The following SETD5 variants were observed in gnomAD, a reference collection of about 807,000 sequenced individuals.
SETD5 encodes SET domain containing 5.
A neutral mutation model predicts 153.3 loss-of-function variants in SETD5; 44 were observed. The observed-to-expected ratio is 0.29, with a 90% CI of 0.23 to 0.37. The LOEUF is 0.37. Among genes scored for constraint, SETD5 ranks in the 10% least tolerant of loss-of-function variants. SETD5 has a pLI of 1.00. For synonymous variants in SETD5, 716 were observed against 645.2 expected (o/e 1.11, Z -1.66); for missense variants, 1,544 against 1,768.0 (o/e 0.87, Z 2.27).
At chr3:9,413,598 C>G (rs988182259) in intron 1 of SETD5, among the ~76,000 whole-genome samples, 5 of 148,758 alleles carry the variant, frequency 3.4e-5, no homozygotes, top group African/African-American at 1.3e-4. Flanking sequence ...AGATGTTATC[C>G]CTTATGGGAG....
At chr3:9,454,448 G>C (rs1575512023) in intron 17 of SETD5, among the ~76,000 whole-genome samples, 1 of 151,872 alleles carries the variant, frequency 6.6e-6, no homozygotes, top group African/African-American at 2.4e-5. Flanking sequence ...GTGAAACCCT[G>C]TCTCTACCAA....
chr3:9,434,533 G>T lies in SETD5; in HGVS notation c.329+48G>T. On this transcript the variant is annotated intron_variant, in intron 5 of 22. Coordinates refer to ENST00000402198, the MANE Select transcript of SETD5 (RefSeq NM_001080517.3). This position sits in a 1 kb window ranked among gnomAD's most constrained non-coding sequence, Gnocchi z 5.6. Reference sequence around the variant, plus strand: ...TTTAAGTCTGGGTTGCTGGGATTAGGGTTTCTTACAAGTAGGGAAAAGCTC... The same window carrying T: ...TTTAAGTCTGGGTTGCTGGGATTAGTGTTTCTTACAAGTAGGGAAAAGCTC... 6.2e-7 allele frequency: 1 copy of T among 1,610,470 alleles called. No homozygotes were observed. The highest frequency in any genetic ancestry group is 1.1e-5 in the South Asian group (1 of 90,702).
Position 9,475,550 on chromosome 3 carries a change from G to A in SETD5, c.3788G>A (p.Arg1263Lys), listed in dbSNP as rs868788675. 1.2e-6 allele frequency: 2 copies of A among 1,613,716 alleles called. No individual in the cohort carries two copies. Among genetic ancestry groups the A allele is most frequent in the African/African-American group, 2.7e-5 (2 of 74,866 alleles). Residue 1263 changes from arginine (R) to lysine (K), a missense_variant, in exon 23 of 23, where the codon AGA (arginine) becomes AAA (lysine). Arg to Lys is a conservative substitution (Grantham distance 26). Around this residue, in one of 9 missense-constraint regions of SETD5, gnomAD observed 302 missense variants for 277.6 expected, o/e 1.09. Coordinates refer to ENST00000402198, the MANE Select transcript of SETD5 (RefSeq NM_001080517.3). The part of the protein sequence containing the change: ...SLLQQSSSPF[R>K]GHPTQSPGYS... ...CTTCAGCAGAGTTCCTCCCCCTTCAGAGGACATCCTACACAGTCTCCAGGA... is the reference window on the plus strand; with the variant it reads ...CTTCAGCAGAGTTCCTCCCCCTTCAAAGGACATCCTACACAGTCTCCAGGA...
chr3:9,443,935 G>A (rs927770689), intron 11 of SETD5, among the ~76,000 whole-genome samples: 6 of 152,160 alleles, frequency 3.9e-5, no homozygotes, highest in Non-Finnish European at 8.8e-5. Flanking sequence ...GGCGGCACAC[G>A]CCTGTAGTCC....
chr3:9,458,211 C>G (rs781203472), intron 17 of SETD5, among the ~76,000 whole-genome samples: 10 of 152,148 alleles, frequency 6.6e-5, no homozygotes, highest in Non-Finnish European at 7.3e-5. Context: ...ATCACTCAAG[C>G]CCAGGAGTCA....
intron 17 of SETD5, among the ~76,000 whole-genome samples, chr3:9,457,349 G>A (rs903323638): frequency 5.9e-5 from 9 of 152,026 alleles, no homozygotes; most frequent in African/African-American, 1.2e-4. Flanking sequence ...TTAGCTGTGC[G>A]TGGTGGTGGG....
Position 9,425,660 on chromosome 3 carries a change from C to G in SETD5, c.-117+1134C>G, listed in dbSNP as rs1441144377. On this transcript the variant is annotated intron_variant, in intron 2 of 22. Transcript: ENST00000402198. ...GCCCTGTCTCAGCTCACTGCAGTCT[C>G]TGCTTCCCAGATTCAAACGATTCTC... 4.7e-5 allele frequency among the ~76,000 whole-genome samples: 7 copies of G among 148,730 alleles called. No individual in the cohort carries two copies. The Admixed American group carries it at 4.7e-4, about 10-fold the overall frequency.
intron 1 of SETD5, among the ~76,000 whole-genome samples, chr3:9,400,470 ATG>A (rs760406033): frequency 1.3e-5 from 2 of 152,158 alleles, no homozygotes; most frequent in Non-Finnish European, 2.9e-5. Context: ...TTATTTTGTT[ATG>A]TGTCTCCATC....
chr3:9,434,354 C>T lies in SETD5; in HGVS notation c.198C>T (p.Asp66=), dbSNP rs1342784618. 1.9e-6 allele frequency: 3 copies of T among 1,613,748 alleles called. No homozygotes were observed. Among genetic ancestry groups the T allele is most frequent in the Non-Finnish European group, 2.5e-6 (3 of 1,179,794 alleles). Residue 66 remains aspartate, a synonymous_variant, in exon 5 of 23, where the codon GAC becomes GAT. Transcript: ENST00000402198. The surrounding 1 kb of genome is among the most constrained non-coding windows in gnomAD (Gnocchi z 5.6). ...TCCAGACGATCATCCCTCGTTCTGACCTGAATGGCCTGCCGTCGCCTGTAG... is the reference window on the plus strand; with the variant it reads ...TCCAGACGATCATCCCTCGTTCTGATCTGAATGGCCTGCCGTCGCCTGTAG... The part of the protein sequence containing the change: ...LPYATIIPRS[D]LNGLPSPVEE...
At chr3:9,432,517 A>G (rs1249466513) in intron 3 of SETD5, among the ~76,000 whole-genome samples, 1 of 152,218 alleles carries the variant, frequency 6.6e-6, no homozygotes, top group Non-Finnish European at 1.5e-5. Flanking sequence ...TCTCTAAGTT[A>G]GAGTTATACC....
chr3:9,410,335 A>G (rs895325912), intron 1 of SETD5, among the ~76,000 whole-genome samples: 1 of 152,200 alleles, frequency 6.6e-6, no homozygotes, highest in African/African-American at 2.4e-5. Context: ...TCATTATCAT[A>G]TGTGGTCCAT....
rs770175473 is a variant in SETD5, at chr3:9,470,443, A to G, written c.2725-16A>G. On this transcript the variant is annotated splice_polypyrimidine_tract_variant and intron_variant, in intron 18 of 22. Transcript: ENST00000402198. ...TCTCCCCTACCCCATGTCTCCGTTG[A>G]TTTTTATTCTTTCAGCTTTGTCACC... is the stretch of plus-strand genomic sequence containing the variant. The G allele has an allele frequency of 1.9e-6, 3 of 1,598,426 alleles. No homozygotes were observed. The East Asian group carries it at 6.7e-5, about 36-fold the overall frequency.
chr3:9,448,560 G>T lies in SETD5; in HGVS notation c.2276G>T (p.Gly759Val). The part of the protein sequence containing the change: ...CTTPKHYIRF[G>V]SPFIPERRRR... ...ACCCCCAAACACTACATTCGCTTTG[G>T]CTCACCCTTTATCCCTGAGAGACGT... The change falls in exon 16 of 23, where the codon GGC becomes GTC. Residue 759 changes from glycine to valine, a missense_variant. Gly to Val is a moderately radical substitution (Grantham distance 109, BLOSUM62 -3). Around this residue, in one of 9 missense-constraint regions of SETD5, gnomAD observed 782 missense variants for 787.2 expected, o/e 0.99. Transcript: ENST00000402198. 6.2e-7 allele frequency: 1 copy of T among 1,613,644 alleles called. No homozygotes were observed. Among genetic ancestry groups the T allele is most frequent in the Non-Finnish European group, 8.5e-7 (1 of 1,179,710 alleles).
intron 16 of SETD5, among the ~76,000 whole-genome samples, chr3:9,452,659 A>ATTTTT (rs1164278885): frequency 0.051 from 3,053 of 59,542 alleles, 82 homozygotes; most frequent in Non-Finnish European, 0.075. Context: ...ATGATGTAAG[A>ATTTTT]TTTTTTTTTT....
chr3:9,451,628 T>C (rs995370137), intron 16 of SETD5, among the ~76,000 whole-genome samples: 2 of 152,164 alleles, frequency 1.3e-5, no homozygotes, highest in African/African-American at 4.8e-5. Context: ...ATATTTTTTG[T>C]AGCGACAGGG....
intron 3 of SETD5, chr3:9,430,381 T>A: frequency 1.0e-6 from 1 of 975,362 alleles, no homozygotes; most frequent in Non-Finnish European, 1.2e-6. Flanking sequence ...GAAAGGAGGG[T>A]TGGGGGTGGG....
chr3:9,412,418 A>T (rs200323752), intron 1 of SETD5, among the ~76,000 whole-genome samples: 573 of 52,388 alleles, frequency 0.011, 15 homozygotes, highest in Admixed American at 0.03. Flanking sequence ...TTTTTTTTTT[A>T]AAGAGACAAG....
At chr3:9,440,222 T>C (rs1163290425) in intron 7 of SETD5, among the ~76,000 whole-genome samples, 1 of 152,188 alleles carries the variant, frequency 6.6e-6, no homozygotes, top group Non-Finnish European at 1.5e-5. Flanking sequence ...TCTTACTTTA[T>C]AAATGGAGAA....
At position 9,475,734 on chromosome 3, in the gene SETD5, G is replaced by A. The variant is rs2045791278; in HGVS notation, c.3972G>A (p.Gln1324=). The change falls in exon 23 of 23, where the codon CAG becomes CAA. Residue 1324 remains glutamine, a synonymous_variant. Coordinates refer to ENST00000402198, the MANE Select transcript of SETD5 (RefSeq NM_001080517.3). Reference sequence around the variant, plus strand: ...GGACACCAGGGTATTTTAGCAGCCAGCCACATTCTGGAAACAGCACTGGCA... The same window carrying A: ...GGACACCAGGGTATTTTAGCAGCCAACCACATTCTGGAAACAGCACTGGCA... The part of the protein sequence containing the change: ...FTGTPGYFSS[Q]PHSGNSTGSN... 1.2e-6 allele frequency: 2 copies of A among 1,613,806 alleles called. No homozygotes were observed. Among genetic ancestry groups the A allele is most frequent in the Admixed American group, 1.7e-5 (1 of 59,988 alleles).
Sources: gnomAD v4.1 joint callset for allele counts (sites outside exome capture counted in the v4.1 genomes callset) on GRCh38, gnomAD v4.1.1 for gene constraint, gnomAD v4.1.1 regional missense constraint, Gnocchi (gnomAD v3.1) non-coding constraint, MANE v1.5 for transcripts, NCBI Gene and HGNC (gene_info 2026-07-23, HGNC 2026-07-21) for gene names.